Variants in PTGR1 observed in about 807,000 individuals in gnomAD.
PTGR1 encodes prostaglandin reductase 1.
PTGR1 carries 23 observed loss-of-function variants against 37.7 expected under a neutral mutation model. The ratio of observed to expected loss-of-function variants is 0.61; its 90% CI spans 0.44 to 0.86. The LOEUF is 0.86. Among genes scored for constraint, PTGR1 ranks in the 40% least tolerant of loss-of-function variants. The pLI is 0.00. For synonymous variants in PTGR1, 134 were observed against 140.0 expected (o/e 0.96, Z 0.30); for missense variants, 351 against 394.3 (o/e 0.89, Z 0.93).
intron 2 of PTGR1, among the ~76,000 whole-genome samples, chr9:111,595,157 T>G (rs1829740859): frequency 6.6e-6 from 1 of 151,974 alleles, no homozygotes. Flanking sequence ...GCCCAGCCTG[T>G]TTTTGGTATT....
At chr9:111,574,695 G>C (rs1339262371) in intron 8 of PTGR1, 39 bp downstream of exon 8, 1 of 1,455,432 alleles carries the variant, frequency 6.9e-7, no homozygotes, top group East Asian at 2.3e-5. Context: ...TCCTTGTCCA[G>C]CCTTGTGACA....
In PTGR1 at chr9:111,555,745, AGG is replaced by A. The variant is rs1237484168; in HGVS notation, c.880-5948_880-5947del. 2.0e-5 allele frequency among the ~76,000 whole-genome samples: 3 copies of A among 152,158 alleles called. No homozygotes were observed. In the East Asian group the frequency reaches 5.8e-4, roughly 29 times the overall value. ...AACTCACTATCATGAGAACAACAGG[AGG>A]GAAATCTGCCACCATGATCCCATCA... is the stretch of plus-strand genomic sequence containing the variant. On this transcript the variant is annotated intron_variant, in intron 9 of 9. Coordinates refer to the PTGR1 transcript ENST00000538962.
intron 2 of PTGR1, among the ~76,000 whole-genome samples, chr9:111,595,920 G>A (rs181936305): frequency 2.0e-4 from 30 of 152,054 alleles, no homozygotes; most frequent in East Asian, 1.2e-3. Context: ...GGTGTGAGCC[G>A]CCACACCCAG....
intron 6 of PTGR1, among the ~76,000 whole-genome samples, chr9:111,579,597 T>C (rs1829208812): frequency 6.6e-6 from 1 of 152,092 alleles, no homozygotes; most frequent in Admixed American, 6.6e-5. Flanking sequence ...AGGGTCTCAC[T>C]ATATTGCCCA....
At chr9:111,561,106 T>TAG (rs1240649497), downstream of PTGR1, among the ~76,000 whole-genome samples, 267 of 23,158 alleles carry the variant, frequency 0.012, 38 homozygotes, top group South Asian at 0.04. Context: ...TATATATATA[T>TAG]ATATAGAGAG....
chr9:111,572,408 G>A (rs1828858030), intron 8 of PTGR1, among the ~76,000 whole-genome samples: 1 of 152,110 alleles, frequency 6.6e-6, no homozygotes, highest in Non-Finnish European at 1.5e-5. Context: ...TCCTAACACA[G>A]TGAAACCCTG....
At chr9:111,564,710 T>TAGAG (rs1197128271) in intron 9 of PTGR1, among the ~76,000 whole-genome samples, 1 of 152,090 alleles carries the variant, frequency 6.6e-6, no homozygotes, top group Non-Finnish European at 1.5e-5. Flanking sequence ...AGGTTATAAA[T>TAGAG]AGAGAACGAA....
chr9:111,597,082 A>G (rs1429181891), intron 2 of PTGR1, among the ~76,000 whole-genome samples: 2 of 152,148 alleles, frequency 1.3e-5, no homozygotes, highest in Admixed American at 1.3e-4. Context: ...CCCCAACAGA[A>G]AGCCTGCTAA....
intron 4 of PTGR1, among the ~76,000 whole-genome samples, chr9:111,590,190 CA>C (rs1419095962): frequency 6.6e-6 from 1 of 152,020 alleles, no homozygotes; most frequent in African/African-American, 2.4e-5. Context: ...AGATAATCCA[CA>C]GAAGAAAATT....
At chr9:111,590,451 T>C (rs1829576178) in intron 4 of PTGR1, among the ~76,000 whole-genome samples, 1 of 152,060 alleles carries the variant, frequency 6.6e-6, no homozygotes, top group African/African-American at 2.4e-5. Flanking sequence ...CTCTGCCTCC[T>C]GGGTTCAAGC....
downstream of PTGR1, among the ~76,000 whole-genome samples, chr9:111,557,969 A>G (rs1326970499): frequency 6.6e-6 from 1 of 152,140 alleles, no homozygotes; most frequent in East Asian, 1.9e-4. Flanking sequence ...CAAAATAGTG[A>G]AACTCTGTCT....
chr9:111,584,856 A>G (rs1040756436), intron 5 of PTGR1, among the ~76,000 whole-genome samples: 2 of 152,238 alleles, frequency 1.3e-5, no homozygotes, highest in Non-Finnish European at 2.9e-5. Flanking sequence ...GATGTGAGAA[A>G]TCACTGAATT....
chr9:111,560,009 T>C (rs761428073), downstream of PTGR1, among the ~76,000 whole-genome samples: 1 of 152,164 alleles, frequency 6.6e-6, no homozygotes, highest in Non-Finnish European at 1.5e-5. Flanking sequence ...GATGGCAGAA[T>C]TGATCAATAG....
chr9:111,573,283 GA>G (rs371843056), intron 8 of PTGR1, among the ~76,000 whole-genome samples: 5,366 of 151,834 alleles, frequency 0.035, 303 homozygotes, highest in African/African-American at 0.12. Flanking sequence ...ATTATAGGGG[GA>G]AAAAAAAGTC....
chr9:111,583,487 C>T lies in PTGR1; in HGVS notation c.480G>A (p.Gln160=), dbSNP rs764897605. The change falls in exon 6 of 10, where the codon CAG becomes CAA. Residue 160 remains glutamine (Q), a synonymous_variant. Coordinates refer to ENST00000407693, the MANE Select transcript of PTGR1 (RefSeq NM_001146108.2). ...AAGAVGSVVG[Q]IAKLKGCKVV... ...AGGCACTTACCTTGAGCTTTGCAAT[C>T]TGCCCCACGACTGAGCCCACAGCTC... 2 of 1,611,156 alleles carry T rather than the reference C, an allele frequency of 1.2e-6. No individual in the cohort carries two copies. The highest frequency in any genetic ancestry group is 1.7e-5 in the Admixed American group (1 of 60,012).
At chr9:111,590,819 C>G (rs529138641) in intron 4 of PTGR1, among the ~76,000 whole-genome samples, 1 of 152,086 alleles carries the variant, frequency 6.6e-6, no homozygotes, top group East Asian at 1.9e-4. Flanking sequence ...TACATACATG[C>G]TCCTGGAAGA....
At chr9:111,568,184 G>C (rs977363506) in intron 9 of PTGR1, among the ~76,000 whole-genome samples, 2 of 152,172 alleles carry the variant, frequency 1.3e-5, no homozygotes, top group Non-Finnish European at 2.9e-5. Flanking sequence ...TTGTTGCAGA[G>C]AGCCTATAAA....
At position 111,597,346 on chromosome 9, in the gene PTGR1, GTCT is replaced by G; in HGVS notation, c.74_76del (p.Lys25del). 1 of 1,612,954 alleles carries G rather than the reference GTCT, an allele frequency of 6.2e-7. No individual in the cohort carries two copies. Among genetic ancestry groups the G allele is most frequent in the Non-Finnish European group, 8.5e-7 (1 of 1,179,260 alleles). On this transcript the variant is annotated inframe_deletion, in exon 2 of 10. Transcript: ENST00000407693. ...ATTTTTTAAGGGTGGGAGCTCAGCTGTCTTCAACTCAAAGTCACTATTAGTAGG... is the reference window on the plus strand; with the variant it reads ...ATTTTTTAAGGGTGGGAGCTCAGCTGTCAACTCAAAGTCACTATTAGTAGG...
At chr9:111,599,466 G>A (rs949930758) in intron 1 of PTGR1, 137 bp downstream of exon 1, 8 of 152,342 alleles carry the variant, frequency 5.3e-5, no homozygotes, top group African/African-American at 1.9e-4. Context: ...GCAAGACCCA[G>A]CGGTCATTTC....
Sources: gnomAD v4.1 joint callset for allele counts (sites outside exome capture counted in the v4.1 genomes callset) on GRCh38, gnomAD v4.1.1 for gene constraint, MANE v1.5 for transcripts, NCBI Gene and HGNC (gene_info 2026-07-23, HGNC 2026-07-21) for gene names.